The following CTNNA2 variants were observed in gnomAD, a reference collection of about 807,000 sequenced individuals.
The protein encoded by CTNNA2 is catenin alpha-2.
Under a neutral mutation model 101.0 loss-of-function variants are expected in CTNNA2, and 42 were observed. The observed-to-expected ratio is 0.42, with a 90% CI of 0.32 to 0.54. CTNNA2 has a LOEUF of 0.54. Among genes scored for constraint, CTNNA2 ranks in the 20% least tolerant of loss-of-function variants. The pLI is 0.14. For synonymous variants in CTNNA2, 450 were observed against 456.4 expected (o/e 0.99, Z 0.18); for missense variants, 871 against 1,223.1 (o/e 0.71, Z 4.29).
chr2:79,705,910 G>C (rs530629360), intron 2 of CTNNA2, among the ~76,000 whole-genome samples: 26 of 152,264 alleles, frequency 1.7e-4, no homozygotes, highest in Non-Finnish European at 3.4e-4. Flanking sequence ...TAAGTAGTTA[G>C]AGAACAAGCT....
rs779375424 is a variant in CTNNA2 at position 79,858,002 on chromosome 2, C to T, written c.299-11C>T. 6.2e-7 allele frequency: 1 copy of T among 1,606,022 alleles called. No individual in the cohort carries two copies. Among genetic ancestry groups the T allele is most frequent in the Non-Finnish European group, 8.5e-7 (1 of 1,173,262 alleles). On this transcript the variant is annotated splice_polypyrimidine_tract_variant and intron_variant, in intron 3 of 18. Transcript: ENST00000402739. Reference sequence around the variant, plus strand: ...TGTCTACCCACCTGCCTCTCCGTGTCTGTCTTCCAGGTGAGACGATGCGGA... The same window carrying T: ...TGTCTACCCACCTGCCTCTCCGTGTTTGTCTTCCAGGTGAGACGATGCGGA...
intron 7 of CTNNA2, among the ~76,000 whole-genome samples, chr2:79,939,412 A>G (rs1022053034): frequency 5.9e-5 from 9 of 152,206 alleles, no homozygotes; most frequent in South Asian, 2.1e-4. Context: ...TTATTTTACA[A>G]TGTTTATAAA....
intron 7 of CTNNA2, among the ~76,000 whole-genome samples, chr2:80,102,570 T>G (rs1340758833): frequency 6.6e-6 from 1 of 152,186 alleles, no homozygotes; most frequent in Non-Finnish European, 1.5e-5. Context: ...TGGAGTTCAG[T>G]GGCATGATCT....
chr2:79,962,496 G>T (rs1689713192), intron 7 of CTNNA2, among the ~76,000 whole-genome samples: 2 of 152,106 alleles, frequency 1.3e-5, no homozygotes, highest in Admixed American at 1.3e-4. Flanking sequence ...TTATTTTTTG[G>T]AGCCTAAATT....
At chr2:79,810,312 G>A (rs1676907917) in intron 3 of CTNNA2, among the ~76,000 whole-genome samples, 1 of 152,060 alleles carries the variant, frequency 6.6e-6, no homozygotes. Flanking sequence ...GAGAATGAGA[G>A]CCAAGCGAAA....
chr2:80,552,376 C>T (rs1692642579), intron 11 of CTNNA2, among the ~76,000 whole-genome samples: 1 of 152,072 alleles, frequency 6.6e-6, no homozygotes, highest in Admixed American at 6.6e-5. Context: ...TAAAACAAGA[C>T]ATGCCTGTAG....
chr2:79,189,976 G>T (rs935974253), intron 1 of CTNNA2, among the ~76,000 whole-genome samples: 1 of 152,098 alleles, frequency 6.6e-6, no homozygotes, highest in Non-Finnish European at 1.5e-5. Flanking sequence ...AAGCTGAGGG[G>T]AAAATTAAGG....
intron 7 of CTNNA2, among the ~76,000 whole-genome samples, chr2:80,061,852 T>G (rs1437175873): frequency 6.6e-6 from 1 of 152,150 alleles, no homozygotes; most frequent in Non-Finnish European, 1.5e-5. Flanking sequence ...CATGAATAAA[T>G]GAATGAATCA....
At chr2:79,509,720 C>T (rs1040388330), upstream of CTNNA2, among the ~76,000 whole-genome samples, 1 of 152,126 alleles carries the variant, frequency 6.6e-6, no homozygotes, top group Non-Finnish European at 1.5e-5. Context: ...ATGTACAAAA[C>T]CAAGAGTGAA....
At chr2:79,821,243 C>G (rs114297615) in intron 3 of CTNNA2, among the ~76,000 whole-genome samples, 2,440 of 152,186 alleles carry the variant, frequency 0.016, 69 homozygotes, top group African/African-American at 0.054. Context: ...AAGCCTTGCT[C>G]TGTCACCCAA....
At chr2:79,271,974 T>A (rs1247068144) in intron 2 of CTNNA2, among the ~76,000 whole-genome samples, 1 of 152,176 alleles carries the variant, frequency 6.6e-6, no homozygotes, top group East Asian at 1.9e-4. Flanking sequence ...AAAACTGCCC[T>A]GAACCCATTT....
At chr2:79,725,988 CAGGGTGTG>C (rs887502312) in intron 2 of CTNNA2, among the ~76,000 whole-genome samples, 5 of 152,180 alleles carry the variant, frequency 3.3e-5, no homozygotes, top group African/African-American at 1.2e-4. Context: ...TGTCCAAATA[CAGGGTGTG>C]AGATTGAGCT....
chr2:79,372,771 G>A (rs1025362814), intron 3 of CTNNA2, among the ~76,000 whole-genome samples: 5 of 152,124 alleles, frequency 3.3e-5, no homozygotes, highest in Admixed American at 6.5e-5. Context: ...AAGGATATAC[G>A]GTATGGCATT....
chr2:80,003,301 A>G (rs1693092484), intron 7 of CTNNA2, among the ~76,000 whole-genome samples: 1 of 152,112 alleles, frequency 6.6e-6, no homozygotes, highest in African/African-American at 2.4e-5. Flanking sequence ...TATTACTTCT[A>G]CCTTTCATTG....
Position 79,650,886 on chromosome 2 carries a change from G to A in CTNNA2, c.-5-666G>A, listed in dbSNP as rs139395178. Among the ~76,000 whole-genome samples, 1,374 of 149,486 alleles carry A rather than the reference G, an allele frequency of 9.2e-3. 12 individuals carry two copies. The highest frequency in any genetic ancestry group is 0.014 in the Non-Finnish European group (964 of 67,746). On this transcript the variant is annotated intron_variant, in intron 1 of 18. Transcript: ENST00000402739. ...CCACCTATGAGTGAGAATATGCGGTGTGTGGTTTTTTGTTCTTGCAATAGT... is the reference window on the plus strand; with the variant it reads ...CCACCTATGAGTGAGAATATGCGGTATGTGGTTTTTTGTTCTTGCAATAGT...
intron 4 of CTNNA2, among the ~76,000 whole-genome samples, chr2:79,407,961 T>G (rs1420583494): frequency 6.6e-6 from 1 of 152,068 alleles, no homozygotes; most frequent in African/African-American, 2.4e-5. Context: ...GCTGTATCTT[T>G]GTTCTTTCTG....
chr2:79,903,108 A>T (rs755705505), intron 6 of CTNNA2, among the ~76,000 whole-genome samples: 4 of 152,164 alleles, frequency 2.6e-5, no homozygotes, highest in Non-Finnish European at 5.9e-5. Flanking sequence ...GACTCCTAGG[A>T]TGTAGTTTGC....
At chr2:80,168,400 A>C (rs1200050218) in intron 7 of CTNNA2, among the ~76,000 whole-genome samples, 1 of 152,056 alleles carries the variant, frequency 6.6e-6, no homozygotes, top group East Asian at 1.9e-4. Flanking sequence ...TCCATCCCCC[A>C]CCTGCCCATA....
intron 4 of CTNNA2, among the ~76,000 whole-genome samples, chr2:79,858,924 A>C (rs182283587): frequency 1.7e-3 from 255 of 151,526 alleles, no homozygotes; most frequent in African/African-American, 6.0e-3. Flanking sequence ...CCAGTCCTTG[A>C]CTACGGGTCG....
Sources: gnomAD v4.1 joint callset for allele counts (sites outside exome capture counted in the v4.1 genomes callset) on GRCh38, gnomAD v4.1.1 for gene constraint, MANE v1.5 for transcripts, NCBI Gene and HGNC (gene_info 2026-07-23, HGNC 2026-07-21) for gene names.